The following CHRNA6 variants were observed in gnomAD, a reference collection of about 807,000 sequenced individuals.
CHRNA6 encodes the protein neuronal acetylcholine receptor subunit alpha-6.
In CHRNA6, 31 loss-of-function variants were observed where a neutral mutation model predicts 40.9. That is an observed-to-expected ratio of 0.76 (90% CI 0.57 to 1.02). The LOEUF is 1.02. CHRNA6 is among the 50% of genes least tolerant of loss of function. The pLI is 0.00. For synonymous variants in CHRNA6, 222 were observed against 221.3 expected (o/e 1.00, Z -0.03); for missense variants, 546 against 596.6 (o/e 0.92, Z 0.88).
In CHRNA6 at chr8:42,756,622, A is replaced by T. The variant is rs762037634; in HGVS notation, c.577T>A (p.Ser193Thr). ...CAAAAATCATTCATATCCACTTTTG[A>T]TCCAATGATTAGAAGATCAATTTCA... is the stretch of plus-strand genomic sequence containing the variant. ...KAEIDLLIIG[S>T]KVDMNDFWEN... Residue 193 changes from serine to threonine, a missense_variant, in exon 5 of 6, where the codon TCA becomes ACA. Around this residue, in one of 3 missense-constraint regions of CHRNA6, gnomAD observed 476 missense variants for 494.5 expected, o/e 0.96. Coordinates refer to ENST00000276410, the MANE Select transcript of CHRNA6 (RefSeq NM_004198.3). 1 of 1,614,124 alleles carries T rather than the reference A, an allele frequency of 6.2e-7. No individual in the cohort carries two copies. The highest frequency in any genetic ancestry group is 2.2e-5 in the East Asian group (1 of 44,882).
chr8:42,767,823 A>T (rs953897753), intron 1 of CHRNA6, among the ~76,000 whole-genome samples: 1 of 152,216 alleles, frequency 6.6e-6, no homozygotes. Context: ...CAAACCTAAC[A>T]GCATAGAAAT....
intron 3 of CHRNA6, among the ~76,000 whole-genome samples, chr8:42,758,496 A>C (rs1192733399): frequency 2.0e-5 from 3 of 151,988 alleles, no homozygotes; most frequent in African/African-American, 7.3e-5. Context: ...AGTAGCTGGG[A>C]TTACGGGCAC....
At position 42,753,101 on chromosome 8, in the gene CHRNA6, T is replaced by C; in HGVS notation, c.*78A>G. 1 of 1,405,976 alleles carries C rather than the reference T, an allele frequency of 7.1e-7. No individual in the cohort carries two copies. The allele number at this position is 1,405,976 out of a possible 1,614,324, so 87.1% of individuals were successfully genotyped here. A position where few individuals can be genotyped will look rare whatever the true frequency, so the allele number is the denominator to read the frequency against. On this transcript the variant is annotated 3_prime_UTR_variant, in exon 6 of 6. Transcript: ENST00000276410. ...ATGGGGGACTTGGGTGGGAAGCCTT[T>C]GCTTTCCTTTCCTTGTGGCAGGGAA...
Position 42,752,987 on chromosome 8 carries a change from A to C in CHRNA6, c.*192T>G, listed in dbSNP as rs554471161. Reference sequence around the variant, plus strand: ...GGGCACTAATGTCATAACACTTCTCACTTCTCCCCCTGTGCTACACTGGAG... The same window carrying C: ...GGGCACTAATGTCATAACACTTCTCCCTTCTCCCCCTGTGCTACACTGGAG... On this transcript the variant is annotated 3_prime_UTR_variant, in exon 6 of 6. Transcript: ENST00000276410. 5.8e-6 allele frequency: 3 copies of C among 518,768 alleles called. No homozygotes were observed. The highest frequency in any genetic ancestry group is 1.0e-5 in the Non-Finnish European group (3 of 296,654). 32.1% of individuals were successfully genotyped at this position (518,768 alleles called of 1,614,324 possible).
At chr8:42,768,069 G>A (rs1816997300) in intron 1 of CHRNA6, among the ~76,000 whole-genome samples, 1 of 152,132 alleles carries the variant, frequency 6.6e-6, no homozygotes, top group Non-Finnish European at 1.5e-5. Flanking sequence ...TACAGCCACA[G>A]GGGAGATGAA....
In CHRNA6 at chr8:42,765,189, G is replaced by A. The variant is rs779903018; in HGVS notation, c.95C>T (p.Ala32Val). 1.2e-6 allele frequency: 2 copies of A among 1,614,044 alleles called. No homozygotes were observed. The highest frequency in any genetic ancestry group is 2.2e-5 in the South Asian group (2 of 91,066). Reference sequence around the variant, plus strand: ...TTTGTGGAAGAGCCTCTCCTCAGTTGCACAGCCCACACAGCCTGTGAGGCC... The same window carrying A: ...TTTGTGGAAGAGCCTCTCCTCAGTTACACAGCCCACACAGCCTGTGAGGCC... The part of the protein sequence containing the change: ...TPFFKGCVGC[A>V]TEERLFHKLF... The change falls in exon 2 of 6, where the codon GCA (alanine) becomes GTA (valine). Residue 32 changes from alanine (A) to valine (V), a missense_variant. By Grantham distance (64) the Ala-to-Val change is moderately conservative. Coordinates refer to ENST00000276410, the MANE Select transcript of CHRNA6 (RefSeq NM_004198.3).
At chr8:42,755,723 T>C (rs745468980) in intron 5 of CHRNA6, 123 bp downstream of exon 5, 7 of 1,141,424 alleles carry the variant, frequency 6.1e-6, no homozygotes, top group African/African-American at 1.6e-5. Flanking sequence ...GAGCCAGGTC[T>C]CAGAGCAAGG....
In CHRNA6 at chr8:42,753,082, G is replaced by T; in HGVS notation, c.*97C>A. 1.7e-6 allele frequency: 2 copies of T among 1,152,300 alleles called. No individual in the cohort carries two copies. The highest frequency in any genetic ancestry group is 1.6e-5 in the African/African-American group (1 of 64,374). 71.4% of individuals were successfully genotyped at this position (1,152,300 alleles called of 1,614,324 possible). A position where few individuals can be genotyped will look rare whatever the true frequency, so the allele number is the denominator to read the frequency against. On this transcript the variant is annotated 3_prime_UTR_variant, in exon 6 of 6. Coordinates refer to ENST00000276410, the MANE Select transcript of CHRNA6 (RefSeq NM_004198.3). ...TAGCCATCAGTTTTAGCAGATGGGG[G>T]ACTTGGGTGGGAAGCCTTTGCTTTC...
rs757220335 is a variant in CHRNA6 at position 42,765,076 on chromosome 8, G to T, written c.208C>A (p.Leu70Met). Residue 70 changes from leucine (L) to methionine (M), a missense_variant, in exon 2 of 6, where the codon CTG (leucine) becomes ATG (methionine). Coordinates refer to ENST00000276410, the MANE Select transcript of CHRNA6 (RefSeq NM_004198.3). The stretch of plus-strand genomic sequence containing the variant: ...CAGAGGGCACTCACCACGTTGGCCA[G>T]CTGGGTGATGGCCACTTCAAAGTGT... ...TVHFEVAITQ[L>M]ANVDEVNQIM... is the part of the protein sequence containing the mutation. 2 of 1,614,098 alleles carry T rather than the reference G, an allele frequency of 1.2e-6. No homozygotes were observed.
chr8:42,767,850 G>C (rs996250077), intron 1 of CHRNA6, among the ~76,000 whole-genome samples: 1 of 152,150 alleles, frequency 6.6e-6, no homozygotes, highest in African/African-American at 2.4e-5. Flanking sequence ...TTGTTCAGCA[G>C]AACAGCAGTG....
At chr8:42,760,224 C>G (rs945457808) in intron 2 of CHRNA6, among the ~76,000 whole-genome samples, 1 of 152,038 alleles carries the variant, frequency 6.6e-6, no homozygotes, top group East Asian at 1.9e-4. Context: ...CACACACACG[C>G]ACACTCATAC....
intron 1 of CHRNA6, among the ~76,000 whole-genome samples, chr8:42,765,408 G>A (rs1485218053): frequency 6.6e-6 from 1 of 152,204 alleles, no homozygotes; most frequent in East Asian, 1.9e-4. Flanking sequence ...TTACAATGGA[G>A]ATAAAAACAG....
Position 42,756,057 on chromosome 8 carries a change from C to G in CHRNA6, c.1142G>C (p.Gly381Ala). 6.2e-7 allele frequency: 1 copy of G among 1,614,248 alleles called. No individual in the cohort carries two copies. The highest frequency in any genetic ancestry group is 8.5e-7 in the Non-Finnish European group (1 of 1,180,028). The change falls in exon 5 of 6, where the codon GGC becomes GCC. Residue 381 changes from glycine to alanine, a missense_variant. Around this residue, in one of 3 missense-constraint regions of CHRNA6, gnomAD observed 476 missense variants for 494.5 expected, o/e 0.96. Coordinates refer to ENST00000276410, the MANE Select transcript of CHRNA6 (RefSeq NM_004198.3). ...PRGLARRPAK[G>A]KLASHGEPRH... is the part of the protein sequence containing the mutation. ...GGGTTCCCCATGGCTTGCAAGCTTG[C>G]CTTTGGCAGGCCTCCTGGCAAGGCC...
chr8:42,766,256 G>C (rs962652423), intron 1 of CHRNA6, among the ~76,000 whole-genome samples: 12 of 152,142 alleles, frequency 7.9e-5, no homozygotes, highest in African/African-American at 2.2e-4. Flanking sequence ...ACTTTGGAAG[G>C]CTGAGGCGGT....
chr8:42,758,473 C>T (rs374977850), intron 3 of CHRNA6, among the ~76,000 whole-genome samples: 1 of 152,014 alleles, frequency 6.6e-6, no homozygotes, highest in Non-Finnish European at 1.5e-5. Context: ...GATTCTCCTG[C>T]CTCAGCCTCC....
intron 5 of CHRNA6, among the ~76,000 whole-genome samples, chr8:42,754,282 C>A (rs1293111538): frequency 2.0e-5 from 3 of 152,170 alleles, no homozygotes; most frequent in Admixed American, 1.3e-4. Flanking sequence ...TGAGCTCAAG[C>A]AATCCTCCCG....
In CHRNA6 at chr8:42,753,126, A is replaced by G; in HGVS notation, c.*53T>C. The G allele has an allele frequency of 6.6e-7, 1 of 1,517,024 alleles. No homozygotes were observed. Among genetic ancestry groups the G allele is most frequent in the Non-Finnish European group, 8.9e-7 (1 of 1,123,200 alleles). The allele number at this position is 1,517,024 out of a possible 1,614,324, so 94.0% of individuals were successfully genotyped here. A position where few individuals can be genotyped will look rare whatever the true frequency, so the allele number is the denominator to read the frequency against. On this transcript the variant is annotated 3_prime_UTR_variant, in exon 6 of 6. Coordinates refer to ENST00000276410, the MANE Select transcript of CHRNA6 (RefSeq NM_004198.3). ...TGCTTTCCTTTCCTTGTGGCAGGGAATGCAGAACAAATATGGTGTCTGTAA... is the reference window on the plus strand; with the variant it reads ...TGCTTTCCTTTCCTTGTGGCAGGGAGTGCAGAACAAATATGGTGTCTGTAA...
intron 2 of CHRNA6, among the ~76,000 whole-genome samples, chr8:42,760,604 ACACT>A (rs1312950005): frequency 1.3e-5 from 2 of 151,778 alleles, no homozygotes; most frequent in East Asian, 1.9e-4. Flanking sequence ...ACATGCACAC[ACACT>A]CAAACACACT....
intron 2 of CHRNA6, among the ~76,000 whole-genome samples, chr8:42,761,675 C>G (rs918326848): frequency 1.3e-5 from 2 of 152,238 alleles, no homozygotes; most frequent in African/African-American, 4.8e-5. Flanking sequence ...TACTCTCTCT[C>G]CATCCAATTC....
Sources: allele counts gnomAD v4.1 joint callset (sites outside exome capture counted in the v4.1 genomes callset), GRCh38; gene constraint gnomAD v4.1.1; regional missense constraint gnomAD v4.1.1; transcripts MANE v1.5; gene names NCBI Gene and HGNC (gene_info 2026-07-23, HGNC 2026-07-21).